Variants in UST observed in about 807,000 individuals in gnomAD.
UST encodes the protein chondroitin sulfate 2-O-sulfotransferase.
UST carries 21 observed loss-of-function variants against 45.6 expected under a neutral mutation model. The observed-to-expected ratio is 0.46, with a 90% CI of 0.33 to 0.66. UST has a LOEUF of 0.66. Ranked by LOEUF, UST falls within the 30% of genes least tolerant of loss-of-function variation. UST has a pLI of 0.02. For synonymous variants in UST, 215 were observed against 200.6 expected (o/e 1.07, Z -0.61); for missense variants, 463 against 512.4 (o/e 0.90, Z 0.93).
intron 5 of UST, among the ~76,000 whole-genome samples, chr6:148,972,855 G>T (rs898831476): frequency 4.0e-5 from 6 of 151,782 alleles, no homozygotes; most frequent in Non-Finnish European, 5.9e-5. Flanking sequence ...TGGTTTAATA[G>T]GTCTAGGGTG....
At chr6:149,057,782 A>AT (rs1776588971) in intron 7 of UST, among the ~76,000 whole-genome samples, 1 of 152,238 alleles carries the variant, frequency 6.6e-6, no homozygotes, top group Admixed American at 6.5e-5. Flanking sequence ...TAAATAAACA[A>AT]TATAGCACAG....
chr6:148,957,181 T>C (rs1780531991), intron 4 of UST, among the ~76,000 whole-genome samples: 1 of 152,082 alleles, frequency 6.6e-6, no homozygotes. Flanking sequence ...CAGAACTGAC[T>C]CCCCAGGAGC....
At chr6:149,040,798 A>G in intron 7 of UST, among the ~76,000 whole-genome samples, 1 of 152,172 alleles carries the variant, frequency 6.6e-6, no homozygotes, top group East Asian at 1.9e-4. Context: ...GTGGCTTTGT[A>G]AGGGCTCAGA....
rs116504777 is a variant in UST at position 148,801,089 on chromosome 6, G to T, written c.247+53412G>T. 1.9e-3 allele frequency among the ~76,000 whole-genome samples: 285 copies of T among 152,262 alleles called. 1 individual carries two copies. Among genetic ancestry groups the T allele is most frequent in the African/African-American group, 6.7e-3 (279 of 41,552 alleles). ...AGTGAGGTTGATCAGGAGTGAAGCT[G>T]CCTCATCAGCTTAGTCTCTTGGAAG... On this transcript the variant is annotated intron_variant, in intron 1 of 7. Coordinates refer to ENST00000367463, the MANE Select transcript of UST (RefSeq NM_005715.3).
At chr6:148,927,813 G>A (rs906111144) in intron 2 of UST, among the ~76,000 whole-genome samples, 1 of 152,196 alleles carries the variant, frequency 6.6e-6, no homozygotes, top group East Asian at 1.9e-4. Flanking sequence ...AGCTCTAGAT[G>A]GGGCCAAGAA....
intron 7 of UST, among the ~76,000 whole-genome samples, chr6:149,024,199 C>T (rs1196684261): frequency 1.3e-5 from 2 of 152,196 alleles, no homozygotes; most frequent in African/African-American, 2.4e-5. Context: ...TTGTTACCCC[C>T]GCCTTTTCCA....
chr6:148,931,330 C>T (rs1310869797), intron 2 of UST, among the ~76,000 whole-genome samples: 1 of 152,136 alleles, frequency 6.6e-6, no homozygotes, highest in African/African-American at 2.4e-5. Flanking sequence ...GACTCTTAAA[C>T]CTTAGAAGTC....
chr6:148,952,035 C>T (rs145368458), intron 3 of UST, among the ~76,000 whole-genome samples: 1 of 152,260 alleles, frequency 6.6e-6, no homozygotes, highest in East Asian at 1.9e-4. Context: ...TTTTCTTGTA[C>T]AGTACTAGGG....
chr6:148,938,786 A>C (rs1241783370), intron 2 of UST, among the ~76,000 whole-genome samples: 1 of 151,166 alleles, frequency 6.6e-6, no homozygotes, highest in Non-Finnish European at 1.5e-5. Context: ...ATAATAGTAT[A>C]AATAGTATAT....
intron 7 of UST, among the ~76,000 whole-genome samples, chr6:149,024,865 A>G (rs112827110): frequency 1.4e-4 from 21 of 152,314 alleles, no homozygotes; most frequent in African/African-American, 5.1e-4. Context: ...TTGTAGATTA[A>G]CTAACCATCT....
chr6:149,017,618 T>C (rs965273637), intron 5 of UST, among the ~76,000 whole-genome samples: 3 of 152,134 alleles, frequency 2.0e-5, no homozygotes, highest in African/African-American at 7.2e-5. Context: ...ACTTGAAAAT[T>C]TATCCAAGAC....
At chr6:148,812,308 T>C (rs898351514) in intron 1 of UST, among the ~76,000 whole-genome samples, 2 of 152,240 alleles carry the variant, frequency 1.3e-5, no homozygotes, top group African/African-American at 4.8e-5. Context: ...CAAGATAATA[T>C]ATCATAATTT....
chr6:148,919,309 T>C (rs1015187850), intron 2 of UST, among the ~76,000 whole-genome samples: 1 of 152,164 alleles, frequency 6.6e-6, no homozygotes, highest in Non-Finnish European at 1.5e-5. Flanking sequence ...ACAGCTGTAA[T>C]AGTTCCTGCT....
chr6:148,998,033 A>C (rs1023155803), intron 5 of UST, among the ~76,000 whole-genome samples: 3 of 152,180 alleles, frequency 2.0e-5, no homozygotes, highest in Non-Finnish European at 2.9e-5. Context: ...TTAAGCCAAA[A>C]CTATTAGACT....
At chr6:148,946,384 G>A (rs745847511) in intron 3 of UST, among the ~76,000 whole-genome samples, 6 of 151,524 alleles carry the variant, frequency 4.0e-5, no homozygotes, top group Non-Finnish European at 8.8e-5. Flanking sequence ...GGTGGTGCAC[G>A]CCTGTAATCC....
chr6:149,023,528 C>T (rs943315796), intron 7 of UST, among the ~76,000 whole-genome samples: 8 of 152,240 alleles, frequency 5.3e-5, no homozygotes, highest in South Asian at 2.1e-4. Flanking sequence ...AGCCAGTGTA[C>T]GAAATAAATG....
intron 7 of UST, among the ~76,000 whole-genome samples, chr6:149,055,091 A>G (rs1442858312): frequency 3.3e-5 from 5 of 152,080 alleles, no homozygotes; most frequent in Non-Finnish European, 7.3e-5. Flanking sequence ...TTACCTCAGC[A>G]TAGACCAAGT....
At chr6:148,850,994 CA>C (rs1778092842) in intron 1 of UST, among the ~76,000 whole-genome samples, 1 of 152,182 alleles carries the variant, frequency 6.6e-6, no homozygotes, top group Non-Finnish European at 1.5e-5. Flanking sequence ...CCATATCATT[CA>C]GAATGGGCTT....
chr6:148,761,799 T>C (rs576481000), intron 1 of UST, among the ~76,000 whole-genome samples: 15 of 152,112 alleles, frequency 9.9e-5, no homozygotes, highest in African/African-American at 3.6e-4. Context: ...GAAATGTTGA[T>C]ATAACCCCCG....
Sources: allele counts gnomAD v4.1 joint callset (sites outside exome capture counted in the v4.1 genomes callset), GRCh38; gene constraint gnomAD v4.1.1; transcripts MANE v1.5; gene names NCBI Gene and HGNC (gene_info 2026-07-23, HGNC 2026-07-21).